Variants in CORO7 observed in about 807,000 individuals in gnomAD.
CORO7 encodes coronin-7.
A neutral mutation model predicts 126.6 loss-of-function variants in CORO7; 107 were observed. The observed-to-expected ratio is 0.85, with a 90% CI of 0.72 to 0.99. CORO7 has a LOEUF of 0.99. CORO7 is among the 50% of genes least tolerant of loss of function. The probability of loss-of-function intolerance (pLI) is 0.00; values close to 1 mark genes in which losing one functional copy is unlikely to be tolerated. For missense variants in CORO7, 1,314 were observed against 1,255.8 expected (o/e 1.05, Z -0.70); for synonymous variants, 603 against 536.8 (o/e 1.12, Z -1.70).
intron 9 of CORO7, among the ~76,000 whole-genome samples, chr16:4,367,544 C>T (rs1398460454): frequency 1.3e-5 from 2 of 152,120 alleles, no homozygotes; most frequent in Non-Finnish European, 2.9e-5. Context: ...ATCCCATAGA[C>T]AAACATGTGA....
intron 2 of CORO7, 49 bp downstream of exon 2, chr16:4,413,259 C>T (rs2056280977): frequency 2.0e-6 from 3 of 1,526,246 alleles, no homozygotes; most frequent in African/African-American, 1.4e-5. Flanking sequence ...TCTATGGTGA[C>T]GATGACCGAA....
At chr16:4,364,542 CG>C in intron 13 of CORO7, 54 bp downstream of exon 13, 1 of 1,522,974 alleles carries the variant, frequency 6.6e-7, no homozygotes, top group South Asian at 1.3e-5. Context: ...CACAGCCACA[CG>C]GGGCTACCAG....
intron 16 of CORO7, chr16:4,361,757 G>A: frequency 3.6e-6 from 3 of 829,250 alleles, no homozygotes; most frequent in South Asian, 2.9e-5. Context: ...ACACAGCTGT[G>A]TGACCCGGGC....
At position 4,360,528 on chromosome 16, in the gene CORO7, A is replaced by G. The variant is rs2054131915; in HGVS notation, c.1938T>C (p.Ser646=). The G allele has an allele frequency of 6.2e-7, 1 of 1,608,448 alleles. No homozygotes were observed. Among genetic ancestry groups the G allele is most frequent in the Non-Finnish European group, 8.5e-7 (1 of 1,177,918 alleles). ...HQDQIFSLAW[S]PDGQQLATVC... ...CAGTGGCCAGCTGCTGCCCATCAGG[A>G]CTCCAGGCCAGGCTGAAGATCTGGG... The change falls in exon 20 of 28, where the codon AGT becomes AGC. Residue 646 remains serine (S), a synonymous_variant. Coordinates refer to ENST00000251166, the MANE Select transcript of CORO7 (RefSeq NM_024535.5).
intron 9 of CORO7, among the ~76,000 whole-genome samples, chr16:4,375,663 T>G (rs1409304760): frequency 6.6e-6 from 1 of 152,218 alleles, no homozygotes; most frequent in Non-Finnish European, 1.5e-5. Flanking sequence ...AATTTTTTTG[T>G]ATTTTTAGTA....
rs752395728 is a variant in CORO7, at chr16:4,358,350, C to A, written c.2457+17G>T. On this transcript the variant is annotated intron_variant, in intron 24 of 27. Coordinates refer to ENST00000251166, the MANE Select transcript of CORO7 (RefSeq NM_024535.5). ...GAGAAGGCGGTGGGCATGGGAGTCC[C>A]AGGTCCCCACCCTCACCCGGACTCG... The A allele has an allele frequency of 3.1e-6, 5 of 1,611,254 alleles. No individual in the cohort carries two copies. Among genetic ancestry groups the A allele is most frequent in the Non-Finnish European group, 4.2e-6 (5 of 1,179,124 alleles).
At chr16:4,384,906 G>A (rs1310558057) in intron 9 of CORO7, among the ~76,000 whole-genome samples, 9 of 152,190 alleles carry the variant, frequency 5.9e-5, no homozygotes, top group Non-Finnish European at 2.9e-5. Flanking sequence ...GCTGAACACG[G>A]CGGCTGCTGA....
Position 4,363,019 on chromosome 16 carries a change from G to A in CORO7, c.1276-281C>T, listed in dbSNP as rs2054233132. On this transcript the variant is annotated intron_variant, in intron 14 of 27. Transcript: ENST00000251166. The stretch of plus-strand genomic sequence containing the variant: ...TAGATCTGCCAGTATTTTAAGAGAA[G>A]CCAGAAATCTAGATCTGTATGAAAA... 2.0e-5 allele frequency: 7 copies of A among 354,570 alleles called. No individual in the cohort carries two copies. In the East Asian group the frequency reaches 2.9e-4, roughly 15 times the overall value. 22.0% of individuals were successfully genotyped at this position (354,570 alleles called of 1,614,324 possible). A position where few individuals can be genotyped will look rare whatever the true frequency, so the allele number is the denominator to read the frequency against.
intron 5 of CORO7, among the ~76,000 whole-genome samples, chr16:4,406,135 G>A (rs938535880): frequency 2.0e-5 from 3 of 152,160 alleles, no homozygotes; most frequent in Admixed American, 6.5e-5. Context: ...AGGTAGCTGG[G>A]ATTATAGGCA....
chr16:4,413,173 C>T, intron 2 of CORO7, 135 bp downstream of exon 2: 1 of 864,338 alleles, frequency 1.2e-6, no homozygotes, highest in South Asian at 1.8e-5. Context: ...TGGCATGGGG[C>T]TCACCTCTGA....
intron 3 of CORO7, among the ~76,000 whole-genome samples, chr16:4,410,919 G>A (rs192428601): frequency 6.6e-6 from 1 of 152,364 alleles, no homozygotes; most frequent in East Asian, 1.9e-4. Flanking sequence ...ATCTGGCCGT[G>A]ACAGTAGTTT....
intron 6 of CORO7, among the ~76,000 whole-genome samples, chr16:4,401,895 A>G (rs1042906470): frequency 2.7e-5 from 4 of 147,654 alleles, no homozygotes; most frequent in Non-Finnish European, 4.5e-5. Flanking sequence ...CGAGCCCCCT[A>G]TGGTTTCTTT....
rs140990158 is a variant in CORO7, at chr16:4,387,153, C to T, written c.785+833G>A. Among the ~76,000 whole-genome samples, 638 of 152,278 alleles carry T rather than the reference C, an allele frequency of 4.2e-3. 3 individuals carry two copies. Among genetic ancestry groups the T allele is most frequent in the African/African-American group, 0.015 (614 of 41,536 alleles). ...TGGAGTCCCTGTCTCTCCACCCCGGCCCTGCCTGGCTACGTCTCTGAACAC... is the reference window on the plus strand; with the variant it reads ...TGGAGTCCCTGTCTCTCCACCCCGGTCCTGCCTGGCTACGTCTCTGAACAC... On this transcript the variant is annotated intron_variant, in intron 9 of 27. Coordinates refer to ENST00000251166, the MANE Select transcript of CORO7 (RefSeq NM_024535.5).
At chr16:4,367,796 A>C (rs28437293) in intron 9 of CORO7, among the ~76,000 whole-genome samples, 12,398 of 152,154 alleles carry the variant, frequency 0.081, 888 homozygotes, top group African/African-American at 0.19. Flanking sequence ...GCTGAGGCTC[A>C]GGATGGGCAG....
At chr16:4,360,204 A>C (rs2054117300) in intron 21 of CORO7, 74 bp downstream of exon 21, 8 of 1,595,380 alleles carry the variant, frequency 5.0e-6, no homozygotes, top group Middle Eastern at 1.7e-4. Context: ...AAGCCTGACA[A>C]ATGTATGTGA....
chr16:4,413,513 AC>A, intron 1 of CORO7, 109 bp from the exon 2 acceptor site: 1 of 943,912 alleles, frequency 1.1e-6, no homozygotes, highest in Non-Finnish European at 1.6e-6. Context: ...TCACAGCTGC[AC>A]CATTCGAGAT....
rs755801803 is a variant in CORO7 at position 4,395,377 on chromosome 16, G to C, written c.565-38C>G. On this transcript the variant is annotated intron_variant, in intron 6 of 27. Transcript: ENST00000251166. ...AGAGGAGGAAACAACTTGCGATTAGGGCTGGAGGGTCCCTGGAAGCCAGCC... is the reference window on the plus strand; with the variant it reads ...AGAGGAGGAAACAACTTGCGATTAGCGCTGGAGGGTCCCTGGAAGCCAGCC... 7 of 1,613,492 alleles carry C rather than the reference G, an allele frequency of 4.3e-6. No homozygotes were observed. The South Asian group carries it at 7.7e-5, about 18-fold the overall frequency.
rs1196954901 is a variant in CORO7 at position 4,365,792 on chromosome 16, G to C, written c.786-247C>G. Among the ~76,000 whole-genome samples the C allele has an allele frequency of 3.3e-5, 5 of 152,266 alleles. No individual in the cohort carries two copies. The East Asian group carries it at 5.8e-4, about 18-fold the overall frequency. On this transcript the variant is annotated intron_variant, in intron 9 of 27. Transcript: ENST00000251166. ...ACACCTGCGTCACTCCAGGACTGGA[G>C]TGGGCACAGGGGAACTCGGGCCCGA...
chr16:4,360,034 C>A lies in CORO7; in HGVS notation c.2108+244G>T, dbSNP rs541634466. Among the ~76,000 whole-genome samples, 5 of 144,598 alleles carry A rather than the reference C, an allele frequency of 3.5e-5. No homozygotes were observed. The East Asian group carries it at 1.1e-3, about 31-fold the overall frequency. 94.9% of individuals were successfully genotyped at this position (144,598 alleles called of 152,430 possible). On this transcript the variant is annotated intron_variant, in intron 21 of 27. Coordinates refer to ENST00000251166, the MANE Select transcript of CORO7 (RefSeq NM_024535.5). ...CAACTCATCCATCGATCTCTCCCTACCCCCTCATTCATCCATCCAGCCATC... is the reference window on the plus strand; with the variant it reads ...CAACTCATCCATCGATCTCTCCCTAACCCCTCATTCATCCATCCAGCCATC...
Sources: gnomAD v4.1 joint callset for allele counts (sites outside exome capture counted in the v4.1 genomes callset) on GRCh38, gnomAD v4.1.1 for gene constraint, MANE v1.5 for transcripts, NCBI Gene and HGNC (gene_info 2026-07-23, HGNC 2026-07-21) for gene names.